Variants in DERA observed in about 807,000 individuals in gnomAD.
DERA encodes the protein 2-deoxy-D-ribose 5-phosphate aldolase.
In DERA, 15 loss-of-function variants were observed where a neutral mutation model predicts 41.1. The ratio of observed to expected loss-of-function variants is 0.37; its 90% CI spans 0.24 to 0.56. DERA has a LOEUF of 0.56. DERA is among the 20% of genes least tolerant of loss of function. The probability of loss-of-function intolerance (pLI) is 0.81; values close to 1 mark genes in which losing one functional copy is unlikely to be tolerated. For synonymous variants in DERA, 139 were observed against 137.4 expected, an observed-to-expected ratio of 1.01 and a Z score of -0.08; for missense variants, 396 against 403.4, an observed-to-expected ratio of 0.98 and a Z score of 0.16.
rs777771443 is a variant in DERA at position 16,012,460 on chromosome 12, C to T, written c.638-20082C>T. On this transcript the variant is annotated intron_variant, in intron 6 of 8. Transcript: ENST00000428559. The surrounding 1 kb of genome is among the most constrained non-coding windows in gnomAD (Gnocchi z 4.1). ...CATAAGGCATTCCAGGGCTGTGCTC[C>T]CCTGTCCCTTAAAGAGATATTCTGT... Among the ~76,000 whole-genome samples the T allele has an allele frequency of 1.3e-5, 2 of 152,192 alleles. No individual in the cohort carries two copies. The highest frequency in any genetic ancestry group is 2.9e-5 in the Non-Finnish European group (2 of 68,038).
rs1292103331 is a variant in DERA, at chr12:15,922,402, C to T, written c.31+10988C>T. Reference sequence around the variant, plus strand: ...AGTGAAAACATTTCCATAGATCTGTCTCCAGCAAGAAAAAAATCATAATTT... The same window carrying T: ...AGTGAAAACATTTCCATAGATCTGTTTCCAGCAAGAAAAAAATCATAATTT... On this transcript the variant is annotated intron_variant, in intron 1 of 8. Coordinates refer to ENST00000428559, the MANE Select transcript of DERA (RefSeq NM_015954.4). This position sits in a 1 kb window ranked among gnomAD's most constrained non-coding sequence, Gnocchi z 4.9. Among the ~76,000 whole-genome samples, 1 of 152,106 alleles carries T rather than the reference C, an allele frequency of 6.6e-6. No individual in the cohort carries two copies. Among genetic ancestry groups the T allele is most frequent in the East Asian group, 1.9e-4 (1 of 5,194 alleles).
Position 15,958,189 on chromosome 12 carries a change from C to A in DERA, c.131C>A (p.Ala44Asp), listed in dbSNP as rs1948554662. 6.5e-7 allele frequency: 1 copy of A among 1,549,578 alleles called. No homozygotes were observed. ...ARRTVKKEWQAAWLLKAVTFI... is the reference protein window; with the variant it reads ...ARRTVKKEWQDAWLLKAVTFI... Reference sequence around the variant, plus strand: ...TGTTTTCACTTTTGTTTAAACCAGGCTGCTTGGCTCCTGAAAGCTGTTACC... The same window carrying A: ...TGTTTTCACTTTTGTTTAAACCAGGATGCTTGGCTCCTGAAAGCTGTTACC... Residue 44 changes from alanine to aspartate, a missense_variant and splice_region_variant, in exon 3 of 9, where the codon GCT (alanine) becomes GAT (aspartate). Transcript: ENST00000428559.
chr12:15,928,034 C>T lies in DERA; in HGVS notation c.31+16620C>T, dbSNP rs1423935307. Among the ~76,000 whole-genome samples, 2 of 150,640 alleles carry T rather than the reference C, an allele frequency of 1.3e-5. No homozygotes were observed. The highest frequency in any genetic ancestry group is 4.9e-5 in the African/African-American group (2 of 40,884). ...TTTTAAATTGGAAAATAATAATTAT[C>T]TATTTAGGGGATACAATGTAATATT... On this transcript the variant is annotated intron_variant, in intron 1 of 8. Transcript: ENST00000428559. The surrounding 1 kb of genome is among the most constrained non-coding windows in gnomAD (Gnocchi z 4.6).
Position 16,035,869 on chromosome 12 carries a change from C to G in DERA, c.751-363C>G, listed in dbSNP as rs1161564282. On this transcript the variant is annotated intron_variant, in intron 7 of 8. Transcript: ENST00000428559. This position sits in a 1 kb window ranked among gnomAD's most constrained non-coding sequence, Gnocchi z 4.1. ...CTTGTGGAAATGTAGAATGAGTGGG[C>G]TTTGCTTTTGTGATCTGTTTTCCTA... Among the ~76,000 whole-genome samples, 1 of 152,128 alleles carries G rather than the reference C, an allele frequency of 6.6e-6. No individual in the cohort carries two copies. The highest frequency in any genetic ancestry group is 2.4e-5 in the African/African-American group (1 of 41,406).
chr12:15,937,594 T>G (rs1200030900), intron 1 of DERA, among the ~76,000 whole-genome samples: 2 of 152,226 alleles, frequency 1.3e-5, no homozygotes, highest in African/African-American at 4.8e-5. Context: ...TATTATTTCA[T>G]TAAGGGTTAC....
rs143971604 is a variant in DERA at position 15,928,382 on chromosome 12, T to G, written c.31+16968T>G. Among the ~76,000 whole-genome samples the G allele has an allele frequency of 1.5e-3, 230 of 152,326 alleles. 1 individual carries two copies. Among genetic ancestry groups the G allele is most frequent in the African/African-American group, 5.3e-3 (219 of 41,580 alleles). ...AAATTTTAAATTTCTTGCCCATTATTCCACTTACAGAGATTTTTGAACAAG... is the reference window on the plus strand; with the variant it reads ...AAATTTTAAATTTCTTGCCCATTATGCCACTTACAGAGATTTTTGAACAAG... On this transcript the variant is annotated intron_variant, in intron 1 of 8. Coordinates refer to ENST00000428559, the MANE Select transcript of DERA (RefSeq NM_015954.4). The surrounding 1 kb of genome is among the most constrained non-coding windows in gnomAD (Gnocchi z 4.6).
chr12:15,986,716 T>C (rs1317932428), intron 6 of DERA, among the ~76,000 whole-genome samples: 3 of 152,212 alleles, frequency 2.0e-5, no homozygotes, highest in Non-Finnish European at 2.9e-5. Context: ...TTTGAGGACA[T>C]TAACAAAGAA....
rs1012166708 is a variant in DERA at position 15,954,438 on chromosome 12, T to C, written c.32-2498T>C. On this transcript the variant is annotated intron_variant, in intron 1 of 8. Coordinates refer to ENST00000428559, the MANE Select transcript of DERA (RefSeq NM_015954.4). This position sits in a 1 kb window ranked among gnomAD's most constrained non-coding sequence, Gnocchi z 4.0. ...GAAGAAGCAAAGGGATGTCTCAACC[T>C]GTGAGGTTCAGGGAAGGCTCCCAGA... is the stretch of plus-strand genomic sequence containing the variant. 9.9e-5 allele frequency among the ~76,000 whole-genome samples: 15 copies of C among 152,194 alleles called. No homozygotes were observed. The highest frequency in any genetic ancestry group is 3.4e-4 in the African/African-American group (14 of 41,448).
chr12:15,969,734 T>C (rs542727626), intron 5 of DERA, among the ~76,000 whole-genome samples: 2 of 152,350 alleles, frequency 1.3e-5, no homozygotes, highest in East Asian at 3.9e-4. Flanking sequence ...CTATTTTTCT[T>C]ATTTGCTGAT....
Position 15,943,093 on chromosome 12 carries a change from G to A in DERA, c.32-13843G>A, listed in dbSNP as rs1347133908. ...CACCCCTGACAGTGTGTTCTAATCT[G>A]TAAACTCTTCCACACACTTACCTGA... On this transcript the variant is annotated intron_variant, in intron 1 of 8. Transcript: ENST00000428559. The surrounding 1 kb of genome is among the most constrained non-coding windows in gnomAD (Gnocchi z 4.5). 6.6e-6 allele frequency among the ~76,000 whole-genome samples: 1 copy of A among 152,176 alleles called. No homozygotes were observed. Among genetic ancestry groups the A allele is most frequent in the Admixed American group, 6.5e-5 (1 of 15,282 alleles).
Position 15,911,382 on chromosome 12 carries a change from C to A in DERA, c.-2C>A. 7.1e-7 allele frequency: 1 copy of A among 1,406,414 alleles called. No homozygotes were observed. The highest frequency in any genetic ancestry group is 3.5e-5 in the Admixed American group (1 of 28,904). 87.1% of individuals were successfully genotyped at this position (1,406,414 alleles called of 1,614,324 possible). A position where few individuals can be genotyped will look rare whatever the true frequency, so the allele number is the denominator to read the frequency against. ...GCCGGCAGCTCCGGAGCTGCCCGCG[C>A]CATGTCCGCGCACAATCGGGGCACC... On this transcript the variant is annotated 5_prime_UTR_variant, in exon 1 of 9. Coordinates refer to ENST00000428559, the MANE Select transcript of DERA (RefSeq NM_015954.4). This position sits in a 1 kb window ranked among gnomAD's most constrained non-coding sequence, Gnocchi z 4.5.
chr12:15,963,871 A>G (rs774101569), intron 5 of DERA, among the ~76,000 whole-genome samples: 3 of 151,810 alleles, frequency 2.0e-5, no homozygotes, highest in Non-Finnish European at 4.4e-5. Context: ...GACTGTTTCT[A>G]TCCATCTGTA....
chr12:15,938,942 G>T lies in DERA; in HGVS notation c.32-17994G>T, dbSNP rs548800345. ...GAGCTTGTGGTAGCTAGTCTCCAGA[G>T]ATGGACCACGTCTCTGGTATTGATG... On this transcript the variant is annotated intron_variant, in intron 1 of 8. Coordinates refer to ENST00000428559, the MANE Select transcript of DERA (RefSeq NM_015954.4). This position sits in a 1 kb window ranked among gnomAD's most constrained non-coding sequence, Gnocchi z 4.1. Among the ~76,000 whole-genome samples the T allele has an allele frequency of 1.3e-5, 2 of 152,196 alleles. No homozygotes were observed. The highest frequency in any genetic ancestry group is 2.9e-5 in the Non-Finnish European group (2 of 68,044).
intron 1 of DERA, chr12:15,956,492 G>A (rs1020201065): frequency 3.0e-6 from 1 of 331,886 alleles, no homozygotes; most frequent in African/African-American, 2.2e-5. Flanking sequence ...AGCGGGTAGT[G>A]AGCACAGATT....
At chr12:15,927,138 T>G (rs562937172) in intron 1 of DERA, among the ~76,000 whole-genome samples, 2 of 152,178 alleles carry the variant, frequency 1.3e-5, no homozygotes, top group South Asian at 4.1e-4. Flanking sequence ...ACTTAAAACA[T>G]TTTGAAAGGG....
intron 6 of DERA, among the ~76,000 whole-genome samples, chr12:16,029,349 G>A (rs1320295235): frequency 6.6e-6 from 1 of 152,148 alleles, no homozygotes; most frequent in East Asian, 1.9e-4. Flanking sequence ...CGTGAACCCG[G>A]GAGGCGGAGC....
rs1195415977 is a variant in DERA, at chr12:16,024,441, A to G, written c.638-8101A>G. ...CACTTTTCATTGAGAAGAAAAAATTACTACAATGGACTTCTCATTGGAAAA... is the reference window on the plus strand; with the variant it reads ...CACTTTTCATTGAGAAGAAAAAATTGCTACAATGGACTTCTCATTGGAAAA... On this transcript the variant is annotated intron_variant, in intron 6 of 8. Coordinates refer to ENST00000428559, the MANE Select transcript of DERA (RefSeq NM_015954.4). 2.6e-5 allele frequency among the ~76,000 whole-genome samples: 4 copies of G among 152,240 alleles called. No individual in the cohort carries two copies. In the South Asian group the frequency reaches 6.2e-4, roughly 24 times the overall value.
At position 15,959,882 on chromosome 12, in the gene DERA, A is replaced by G. The variant is rs1378307385; in HGVS notation, c.331A>G (p.Lys111Glu). Residue 111 changes from lysine (K) to glutamate (E), a missense_variant, in exon 4 of 9, where the codon AAA (lysine) becomes GAA (glutamate). By Grantham distance (56) the Lys-to-Glu change is moderately conservative (BLOSUM62 1). Coordinates refer to ENST00000428559, the MANE Select transcript of DERA (RefSeq NM_015954.4). This position sits in a 1 kb window ranked among gnomAD's most constrained non-coding sequence, Gnocchi z 4.5. ...TCCCGCCCGGGTGTGTGATGCTGTAAAAGCACTCAAGGCTGCAGGCTGTAA... is the reference window on the plus strand; with the variant it reads ...TCCCGCCCGGGTGTGTGATGCTGTAGAAGCACTCAAGGCTGCAGGCTGTAA... ...VYPARVCDAV[K>E]ALKAAGCNIP... 1 of 1,551,716 alleles carries G rather than the reference A, an allele frequency of 6.4e-7. No individual in the cohort carries two copies. Among genetic ancestry groups the G allele is most frequent in the East Asian group, 2.4e-5 (1 of 41,232 alleles).
rs1592007620 is a variant in DERA at position 15,938,712 on chromosome 12, C to T, written c.32-18224C>T. Among the ~76,000 whole-genome samples the T allele has an allele frequency of 6.6e-6, 1 of 151,778 alleles. No homozygotes were observed. The highest frequency in any genetic ancestry group is 1.9e-4 in the East Asian group (1 of 5,184). ...TAATTGAAATGTGTAAATATTTTACCAGAAATGTTTTCACAGCTAATATAT... is the reference window on the plus strand; with the variant it reads ...TAATTGAAATGTGTAAATATTTTACTAGAAATGTTTTCACAGCTAATATAT... On this transcript the variant is annotated intron_variant, in intron 1 of 8. Coordinates refer to ENST00000428559, the MANE Select transcript of DERA (RefSeq NM_015954.4). The surrounding 1 kb of genome is among the most constrained non-coding windows in gnomAD (Gnocchi z 4.1).
Sources: gnomAD v4.1 joint callset for allele counts (sites outside exome capture counted in the v4.1 genomes callset) on GRCh38, gnomAD v4.1.1 for gene constraint, Gnocchi (gnomAD v3.1) non-coding constraint, MANE v1.5 for transcripts, NCBI Gene and HGNC (gene_info 2026-07-23, HGNC 2026-07-21) for gene names.